Variants in BICDL2 observed in about 807,000 individuals in gnomAD.
BICDL2 encodes the protein BICD family like cargo adaptor 2.
In BICDL2, 62 loss-of-function variants were observed where a neutral mutation model predicts 56.6. The ratio of observed to expected loss-of-function variants is 1.10; its 90% CI spans 0.89 to 1.35. BICDL2 has a LOEUF of 1.35. Ranked by LOEUF, BICDL2 falls within the 40% of genes most tolerant of loss-of-function variation. BICDL2 has a pLI of 0.00. For synonymous variants in BICDL2, 358 were observed against 319.8 expected (o/e 1.12, Z -1.27); for missense variants, 808 against 684.5 (o/e 1.18, Z -2.01).
intron 1 of BICDL2, chr16:3,036,191 C>A (rs560801793): frequency 7.0e-6 from 3 of 431,006 alleles, no homozygotes; most frequent in Admixed American, 2.9e-5. Context: ...CATGCCCCCA[C>A]CCCTCCGGAC....
chr16:3,030,368 G>A, intron 5 of BICDL2, 81 bp downstream of exon 5: 2 of 1,509,240 alleles, frequency 1.3e-6, no homozygotes, highest in Non-Finnish European at 1.8e-6. Context: ...CAGTGATCCA[G>A]CTCCGGCCTC....
intron 5 of BICDL2, 152 bp downstream of exon 5, chr16:3,030,297 G>A (rs1955633049): frequency 1.1e-6 from 1 of 947,290 alleles, no homozygotes; most frequent in Admixed American, 2.9e-5. Context: ...ACAGCCTTCC[G>A]TGGCTCCCAT....
At chr16:3,034,520 G>T (rs779525042) in intron 2 of BICDL2, among the ~76,000 whole-genome samples, 21 of 152,164 alleles carry the variant, frequency 1.4e-4, no homozygotes, top group Non-Finnish European at 1.6e-4. Context: ...GACCTCAAGT[G>T]ATCCAGCCAC....
chr16:3,036,640 C>T (rs1431906566), intron 1 of BICDL2: 2 of 451,298 alleles, frequency 4.4e-6, no homozygotes, highest in Non-Finnish European at 8.9e-6. Context: ...GAGACAGGGA[C>T]CTGGAGACCG....
rs866060651 is a variant in BICDL2 at position 3,028,395 on chromosome 16, C to G, written c.1312G>C (p.Ala438Pro). 5 of 1,551,550 alleles carry G rather than the reference C, an allele frequency of 3.2e-6. No homozygotes were observed. The highest frequency in any genetic ancestry group is 4.3e-6 in the Non-Finnish European group (5 of 1,156,882). ...GTGAGCGCCACCTTCTGGCGGATGG[C>G]GCGCAGCAGCTCCCGAGACAGGGAG... is the stretch of plus-strand genomic sequence containing the variant. ...RDSLSRELLRAIRQKVALTQE... is the reference protein window; with the variant it reads ...RDSLSRELLRPIRQKVALTQE... Residue 438 changes from alanine (A) to proline (P), a missense_variant, in exon 9 of 10, where the codon GCC (alanine) becomes CCC (proline). Transcript: ENST00000572449.
rs970554764 is a variant in BICDL2 at position 3,028,563 on chromosome 16, T to G, written c.1239-95A>C. 6.5e-6 allele frequency: 10 copies of G among 1,532,642 alleles called. 1 individual carries two copies. The South Asian group carries it at 1.2e-4, about 18-fold the overall frequency. The allele number at this position is 1,532,642 out of a possible 1,614,324, so 94.9% of individuals were successfully genotyped here. A position where few individuals can be genotyped will look rare whatever the true frequency, so the allele number is the denominator to read the frequency against. ...TTCTGTACCCGGGCGGGAGGAGGGC[T>G]GCAAACACCTAGATCAAGGAGGTCA... is the stretch of plus-strand genomic sequence containing the variant. On this transcript the variant is annotated intron_variant, in intron 8 of 9. Transcript: ENST00000572449.
rs1386806166 is a variant in BICDL2 at position 3,031,165 on chromosome 16, G to A, written c.283-15C>T. 1 of 1,532,940 alleles carries A rather than the reference G, an allele frequency of 6.5e-7. No homozygotes were observed. Among genetic ancestry groups the A allele is most frequent in the Non-Finnish European group, 8.7e-7 (1 of 1,145,186 alleles). 95.0% of individuals were successfully genotyped at this position (1,532,940 alleles called of 1,614,324 possible). Reference sequence around the variant, plus strand: ...TGCTGGAGCCGCTGTGGGGGCCAGGGCAGAGGGACAGAGGCAGAGAGGCAC... The same window carrying A: ...TGCTGGAGCCGCTGTGGGGGCCAGGACAGAGGGACAGAGGCAGAGAGGCAC... On this transcript the variant is annotated splice_polypyrimidine_tract_variant and intron_variant, in intron 2 of 9. Coordinates refer to ENST00000572449, the MANE Select transcript of BICDL2 (RefSeq NM_001369667.1).
rs764014651 is a variant in BICDL2, at chr16:3,031,046, C to G, written c.387G>C (p.Arg129=). Residue 129 remains arginine, a synonymous_variant, in exon 3 of 10, where the codon CGG becomes CGC. Coordinates refer to ENST00000572449, the MANE Select transcript of BICDL2 (RefSeq NM_001369667.1). ...VELEGDVEAL[R]AQLGEQRSEQ... is the part of the protein sequence containing the mutation. ...CTGAGCGCTGCTCCCCAAGCTGGGC[C>G]CGCAGGGCCTCCACGTCCCCCTCCA... The G allele has an allele frequency of 2.6e-6, 4 of 1,540,696 alleles. No homozygotes were observed. In the East Asian group the frequency reaches 9.7e-5, roughly 38 times the overall value.
chr16:3,035,176 T>TTGGGGGGGGGG, intron 2 of BICDL2, 39 bp downstream of exon 2: 4 of 136,274 alleles, frequency 2.9e-5, no homozygotes, highest in Non-Finnish European at 4.1e-5. Flanking sequence ...CGTCCTCCCC[T>TTGGGGGGGGGG]GCCCACCCAC....
intron 9 of BICDL2, 26 bp from the exon 10 acceptor site, chr16:3,028,299 C>T (rs1015074958): frequency 4.6e-6 from 7 of 1,524,358 alleles, no homozygotes; most frequent in African/African-American, 4.2e-5. Context: ...GTCGGCTCAG[C>T]GCCGGTCCCG....
At position 3,030,461 on chromosome 16, in the gene BICDL2, C is replaced by G; in HGVS notation, c.750G>C (p.Glu250Asp). ...CCCTGCAGGTCACCTCCAGGCTGTG[C>G]TCCCGCCGCTCCCGCCTCAGCAGCA... Reference protein sequence around the residue: ...ELLLLRRERREHSLELERARS... With the variant: ...ELLLLRRERRDHSLELERARS... The change falls in exon 5 of 10, where the codon GAG becomes GAC. Residue 250 changes from glutamate to aspartate, a missense_variant. Glu to Asp is a conservative substitution (Grantham distance 45, BLOSUM62 2). Coordinates refer to ENST00000572449, the MANE Select transcript of BICDL2 (RefSeq NM_001369667.1). 1 of 1,588,298 alleles carries G rather than the reference C, an allele frequency of 6.3e-7. No homozygotes were observed. Among genetic ancestry groups the G allele is most frequent in the Non-Finnish European group, 8.5e-7 (1 of 1,173,086 alleles).
intron 2 of BICDL2, chr16:3,032,415 C>G (rs1459646479): frequency 6.6e-6 from 1 of 152,232 alleles, no homozygotes; most frequent in Non-Finnish European, 1.5e-5. Context: ...GTCTATCCAC[C>G]CACACTGCTA....
Position 3,031,130 on chromosome 16 carries a change from A to G in BICDL2, c.303T>C (p.His101=), listed in dbSNP as rs1039823480. 9.1e-6 allele frequency: 14 copies of G among 1,535,214 alleles called. No homozygotes were observed. In the Admixed American group the frequency reaches 1.4e-4, roughly 15 times the overall value. ...GGGCTGCCAGGCCTCGCCGGAGCTC[A>G]TGGTTCTCCTGCTGGAGCCGCTGTG... ...EREERLQQEN[H]ELRRGLAARG... The change falls in exon 3 of 10, where the codon CAT becomes CAC. Residue 101 remains histidine (H), a synonymous_variant. Coordinates refer to ENST00000572449, the MANE Select transcript of BICDL2 (RefSeq NM_001369667.1).
At chr16:3,036,322 C>T (rs947288017) in intron 1 of BICDL2, 1 of 447,280 alleles carries the variant, frequency 2.2e-6, no homozygotes, top group Non-Finnish European at 4.5e-6. Flanking sequence ...TTTCTGTTTA[C>T]TTCCCGGTCC....
chr16:3,035,697 T>A, intron 1 of BICDL2, 171 bp from the exon 2 acceptor site: 1 of 602,460 alleles, frequency 1.7e-6, no homozygotes, highest in Non-Finnish European at 2.9e-6. Flanking sequence ...TTAATGTCCC[T>A]GGGGTAAACT....
At position 3,029,459 on chromosome 16, in the gene BICDL2, T is replaced by C. The variant is rs1351197357; in HGVS notation, c.958-30A>G. On this transcript the variant is annotated intron_variant, in intron 6 of 9. Coordinates refer to ENST00000572449, the MANE Select transcript of BICDL2 (RefSeq NM_001369667.1). ...GGGCCAAAGAAATGGGTTAGTGGTG[T>C]GGAGTTTATTGGGGAAAGGAGGAAA... The C allele has an allele frequency of 2.5e-6, 4 of 1,590,592 alleles. No homozygotes were observed. The Admixed American group carries it at 6.9e-5, about 28-fold the overall frequency.
rs1955648684 is a variant in BICDL2, at chr16:3,031,142, C to T, written c.291G>A (p.Gln97=). The part of the protein sequence containing the change: ...AQHLEREERL[Q]QENHELRRGL... ...CTCGCCGGAGCTCATGGTTCTCCTG[C>T]TGGAGCCGCTGTGGGGGCCAGGGCA... The change falls in exon 3 of 10, where the codon CAG becomes CAA. Residue 97 remains glutamine, a synonymous_variant. Transcript: ENST00000572449. 1 of 1,534,986 alleles carries T rather than the reference C, an allele frequency of 6.5e-7. No individual in the cohort carries two copies. The highest frequency in any genetic ancestry group is 8.7e-7 in the Non-Finnish European group (1 of 1,146,246).
chr16:3,031,574 C>A, intron 2 of BICDL2: 1 of 417,122 alleles, frequency 2.4e-6, no homozygotes, highest in South Asian at 8.8e-5. Context: ...TCCTCCTAGC[C>A]AGTTCCCTCT....
At chr16:3,036,208 G>T (rs1447621774) in intron 1 of BICDL2, 3 of 451,222 alleles carry the variant, frequency 6.6e-6, no homozygotes, top group Non-Finnish European at 1.3e-5. Context: ...GGACTCAGGA[G>T]CCCTGACCCT....
Sources: allele counts gnomAD v4.1 joint callset (sites outside exome capture counted in the v4.1 genomes callset), GRCh38; gene constraint gnomAD v4.1.1; transcripts MANE v1.5; gene names NCBI Gene and HGNC (gene_info 2026-07-23, HGNC 2026-07-21).